Variants in PKP1 observed in about 807,000 individuals in gnomAD.
The protein encoded by PKP1 is plakophilin 1.
A neutral mutation model predicts 76.4 loss-of-function variants in PKP1; 27 were observed. The ratio of observed to expected loss-of-function variants is 0.35; its 90% CI spans 0.26 to 0.49. The LOEUF is 0.49. Ranked by LOEUF, PKP1 falls within the 20% of genes least tolerant of loss-of-function variation. The pLI, the probability that PKP1 is intolerant of heterozygous loss-of-function variation, is 0.99. For synonymous variants in PKP1, 404 were observed against 384.2 expected (o/e 1.05, Z -0.60); for missense variants, 964 against 955.2 (o/e 1.01, Z -0.12).
At chr1:201,287,688 G>A (rs1314234968) in intron 1 of PKP1, among the ~76,000 whole-genome samples, 3 of 152,206 alleles carry the variant, frequency 2.0e-5, no homozygotes, top group African/African-American at 7.2e-5. Flanking sequence ...ATTCTAGGGT[G>A]TTTTGCAGCA....
chr1:201,291,528 T>C (rs1401249811), intron 1 of PKP1, among the ~76,000 whole-genome samples: 4 of 152,102 alleles, frequency 2.6e-5, no homozygotes, highest in South Asian at 2.1e-4. Context: ...TGATGACCCA[T>C]GGGGAGAGCA....
chr1:201,308,896 G>A (rs1357124714), intron 2 of PKP1, among the ~76,000 whole-genome samples: 2 of 152,204 alleles, frequency 1.3e-5, no homozygotes, highest in African/African-American at 4.8e-5. Flanking sequence ...GGGCACTGGA[G>A]TGGCCTGGTG....
At chr1:201,300,142 A>T (rs1461677634) in intron 2 of PKP1, among the ~76,000 whole-genome samples, 2 of 152,240 alleles carry the variant, frequency 1.3e-5, no homozygotes, top group African/African-American at 4.8e-5. Flanking sequence ...CAATGATCCT[A>T]CTTGCCAAGG....
Position 201,283,748 on chromosome 1 carries a change from C to G in PKP1, c.46C>G (p.Gln16Glu), listed in dbSNP as rs1655642159. Residue 16 changes from glutamine (Q) to glutamate (E), a missense_variant, in exon 1 of 14, where the codon CAG becomes GAG. Transcript: ENST00000367324. ...LKTALAYECF[Q>E]DQDNSTLALP... ...GACCGCCTTGGCGTACGAATGCTTC[C>G]AGGACCAGGACAACTCCACGTTGGC... 1 of 1,614,042 alleles carries G rather than the reference C, an allele frequency of 6.2e-7. No homozygotes were observed. The highest frequency in any genetic ancestry group is 1.1e-5 in the South Asian group (1 of 91,088).
rs551384643 is a variant in PKP1 at position 201,324,079 on chromosome 1, G to A, written c.1681-349G>A. On this transcript the variant is annotated intron_variant, in intron 9 of 13. Coordinates refer to ENST00000367324, the MANE Select transcript of PKP1 (RefSeq NM_001005337.3). ...ATATAGTTTCACATGGGCAGATAGC[G>A]TGGGGAGATGTAATGGGGGCAGCGC... 1.2e-4 allele frequency among the ~76,000 whole-genome samples: 18 copies of A among 152,304 alleles called. No homozygotes were observed. The East Asian group carries it at 3.1e-3, about 26-fold the overall frequency.
At chr1:201,321,843 T>G in intron 7 of PKP1, 135 bp from the exon 8 acceptor site, 1 of 926,024 alleles carries the variant, frequency 1.1e-6, no homozygotes, top group South Asian at 1.5e-5. Flanking sequence ...AGGCTGATAG[T>G]GTGGTGGTGC....
At chr1:201,305,344 C>T (rs1656342238) in intron 2 of PKP1, among the ~76,000 whole-genome samples, 1 of 152,114 alleles carries the variant, frequency 6.6e-6, no homozygotes, top group Non-Finnish European at 1.5e-5. Flanking sequence ...ATAGGGGGAC[C>T]CTGTCTCATA....
chr1:201,284,725 A>C (rs1216065938), intron 1 of PKP1, among the ~76,000 whole-genome samples: 4 of 152,172 alleles, frequency 2.6e-5, no homozygotes, highest in Non-Finnish European at 4.4e-5. Context: ...TACCCCACCC[A>C]GCTTAGGTAG....
chr1:201,329,326 G>A (rs1410987352), intron 13 of PKP1, among the ~76,000 whole-genome samples: 1 of 152,120 alleles, frequency 6.6e-6, no homozygotes, highest in African/African-American at 2.4e-5. Context: ...ATGATTCTAG[G>A]CCCCCAAAAC....
intron 4 of PKP1, among the ~76,000 whole-genome samples, chr1:201,317,287 A>G (rs868264148): frequency 1.3e-5 from 2 of 152,140 alleles, no homozygotes; most frequent in African/African-American, 2.4e-5. Context: ...ATCATTCTCC[A>G]GAGGAAGAAA....
intron 6 of PKP1, 115 bp from the exon 7 acceptor site, chr1:201,320,152 C>T: frequency 1.3e-6 from 1 of 745,624 alleles, no homozygotes; most frequent in Non-Finnish European, 2.4e-6. Context: ...CTCTGCCCTC[C>T]CCTCTCCTGC....
intron 7 of PKP1, among the ~76,000 whole-genome samples, chr1:201,320,839 G>T (rs1656917678): frequency 6.6e-6 from 1 of 152,132 alleles, no homozygotes; most frequent in African/African-American, 2.4e-5. Context: ...ATCCATACTG[G>T]TGCCCCCAGG....
intron 1 of PKP1, 86 bp downstream of exon 1, chr1:201,283,990 CCG>C: frequency 1.6e-6 from 2 of 1,270,292 alleles, no homozygotes; most frequent in Non-Finnish European, 1.1e-6. Context: ...GCACGCATCC[CCG>C]GGGATGAGGG....
chr1:201,303,052 A>T (rs967628127), intron 2 of PKP1, among the ~76,000 whole-genome samples: 2 of 152,252 alleles, frequency 1.3e-5, no homozygotes, highest in Non-Finnish European at 2.9e-5. Context: ...TACTTTTGCC[A>T]CTACGGGCAA....
chr1:201,313,848 G>A (rs1406218655), intron 3 of PKP1, among the ~76,000 whole-genome samples: 1 of 152,222 alleles, frequency 6.6e-6, no homozygotes, highest in Non-Finnish European at 1.5e-5. Context: ...CTCAAAGTGT[G>A]TTCCTCCAAC....
chr1:201,306,022 G>T (rs190489612), intron 2 of PKP1, among the ~76,000 whole-genome samples: 1 of 152,190 alleles, frequency 6.6e-6, no homozygotes, highest in African/African-American at 2.4e-5. Context: ...TCCACCACTC[G>T]GGCTGTGAGA....
Position 201,283,869 on chromosome 1 carries a change from C to G in PKP1, c.167C>G (p.Ser56Cys), listed in dbSNP as rs776004636. Reference sequence around the variant, plus strand: ...ACCGTCAAGCGGCAGAAGTCCAAGTCTTCCCAGTCGTCCACCCTGAGCCAC... The same window carrying G: ...ACCGTCAAGCGGCAGAAGTCCAAGTGTTCCCAGTCGTCCACCCTGAGCCAC... ...MMTVKRQKSKSSQSSTLSHSN... is the reference protein window; with the variant it reads ...MMTVKRQKSKCSQSSTLSHSN... The change falls in exon 1 of 14, where the codon TCT (serine) becomes TGT (cysteine). Residue 56 changes from serine (S) to cysteine (C), a missense_variant. Coordinates refer to ENST00000367324, the MANE Select transcript of PKP1 (RefSeq NM_001005337.3). 1 of 1,614,156 alleles carries G rather than the reference C, an allele frequency of 6.2e-7. No individual in the cohort carries two copies. Among genetic ancestry groups the G allele is most frequent in the Admixed American group, 1.7e-5 (1 of 60,028 alleles).
intron 3 of PKP1, 71 bp downstream of exon 3, chr1:201,313,631 C>G (rs1656637083): frequency 6.7e-7 from 1 of 1,495,868 alleles, no homozygotes; most frequent in African/African-American, 1.4e-5. Flanking sequence ...CCTGACTGCA[C>G]CCTGCAAAGG....
intron 13 of PKP1, among the ~76,000 whole-genome samples, chr1:201,329,798 A>G (rs1360148975): frequency 6.6e-6 from 1 of 152,264 alleles, no homozygotes; most frequent in Non-Finnish European, 1.5e-5. Flanking sequence ...AAAAGGGGAA[A>G]GAGATTCGGT....
Sources: gnomAD v4.1 joint callset for allele counts (sites outside exome capture counted in the v4.1 genomes callset) on GRCh38, gnomAD v4.1.1 for gene constraint, MANE v1.5 for transcripts, NCBI Gene and HGNC (gene_info 2026-07-23, HGNC 2026-07-21) for gene names.